Variants in NTAQ1 observed in about 807,000 individuals in gnomAD.
The protein encoded by NTAQ1 is N-terminal glutamine amidase 1.
Under a neutral mutation model 28.2 loss-of-function variants are expected in NTAQ1, and 21 were observed. The observed-to-expected ratio is 0.74, with a 90% CI of 0.53 to 1.07. NTAQ1 has a LOEUF of 1.07. Ranked by LOEUF, NTAQ1 falls within the 50% of genes least tolerant of loss-of-function variation. The probability of loss-of-function intolerance (pLI) is 0.00; values close to 1 mark genes in which losing one functional copy is unlikely to be tolerated. For synonymous variants in NTAQ1, 105 were observed against 90.0 expected (o/e 1.17, Z -0.94); for missense variants, 264 against 256.6 (o/e 1.03, Z -0.20).
intron 1 of NTAQ1, among the ~76,000 whole-genome samples, chr8:123,425,485 T>TA (rs1813996588): frequency 2.6e-5 from 4 of 151,542 alleles, no homozygotes. Context: ...TTTTTTTTTT[T>TA]AACCACAACC....
In NTAQ1 at chr8:123,437,441, A is replaced by T; in HGVS notation, c.508+107A>T. ...CAGGTTGTTCTTTGAATAAAACTCCATGAGTGAATCCCAGCACTTTGGGAG... is the reference window on the plus strand; with the variant it reads ...CAGGTTGTTCTTTGAATAAAACTCCTTGAGTGAATCCCAGCACTTTGGGAG... On this transcript the variant is annotated intron_variant, in intron 5 of 5. Coordinates refer to ENST00000287387, the MANE Select transcript of NTAQ1 (RefSeq NM_018024.3). The T allele has an allele frequency of 3.4e-6, 5 of 1,485,758 alleles. No homozygotes were observed. In the South Asian group the frequency reaches 6.6e-5, roughly 20 times the overall value. 92.0% of individuals were successfully genotyped at this position (1,485,758 alleles called of 1,614,324 possible). A position where few individuals can be genotyped will look rare whatever the true frequency, so the allele number is the denominator to read the frequency against.
chr8:123,466,145 A>G (rs1212700052), intron 6 of NTAQ1, among the ~76,000 whole-genome samples: 1 of 152,182 alleles, frequency 6.6e-6, no homozygotes, highest in Non-Finnish European at 1.5e-5. Context: ...TGTTCTGAGA[A>G]TTACAACTGG....
intron 5 of NTAQ1, chr8:123,438,217 G>A (rs1317043252): frequency 2.9e-6 from 2 of 701,002 alleles, no homozygotes; most frequent in African/African-American, 3.5e-5. Flanking sequence ...ATTCATATGA[G>A]TTTGAAGTAT....
At chr8:123,444,756 G>T (rs1392208521), downstream of NTAQ1, among the ~76,000 whole-genome samples, 2 of 152,126 alleles carry the variant, frequency 1.3e-5, no homozygotes, top group Non-Finnish European at 2.9e-5. Context: ...TGATCCACTT[G>T]CCTCGACCTC....
intron 6 of NTAQ1, among the ~76,000 whole-genome samples, chr8:123,447,442 TA>T (rs1467831389): frequency 1.3e-5 from 2 of 152,290 alleles, no homozygotes; most frequent in Non-Finnish European, 2.9e-5. Flanking sequence ...AACTAACTAA[TA>T]GAGCTCATTG....
chr8:123,449,949 GCA>G (rs1491212628), downstream of NTAQ1, among the ~76,000 whole-genome samples: 110 of 8,210 alleles, frequency 0.013, 19 homozygotes, highest in African/African-American at 0.02. Context: ...GTGTGTGTGT[GCA>G]TATATATATA....
Position 123,434,973 on chromosome 8 carries a change from C to T in NTAQ1, c.235-1480C>T, listed in dbSNP as rs73705916. Among the ~76,000 whole-genome samples the T allele has an allele frequency of 3.3e-3, 506 of 152,290 alleles. 7 individuals carry two copies. Among genetic ancestry groups the T allele is most frequent in the African/African-American group, 0.012 (486 of 41,568 alleles). ...GGCAGCACTCAGGCTTTTAAAGGCA[C>T]AGCATCCCTAGTCTTAAGTATTGTT... On this transcript the variant is annotated intron_variant, in intron 3 of 5. Coordinates refer to ENST00000287387, the MANE Select transcript of NTAQ1 (RefSeq NM_018024.3).
At chr8:123,434,203 C>CAGGCAGG (rs1401789380) in intron 3 of NTAQ1, among the ~76,000 whole-genome samples, 52 of 152,240 alleles carry the variant, frequency 3.4e-4, no homozygotes, top group African/African-American at 1.2e-3. Flanking sequence ...CAATATCCTG[C>CAGGCAGG]AGCAGTTTAC....
chr8:123,444,482 G>A (rs1027578672), downstream of NTAQ1, among the ~76,000 whole-genome samples: 7 of 152,068 alleles, frequency 4.6e-5, no homozygotes, highest in African/African-American at 1.7e-4. Flanking sequence ...TTACAGGTAT[G>A]AACCATAGTG....
chr8:123,448,364 G>C (rs1196941575), downstream of NTAQ1: 1 of 152,274 alleles, frequency 6.6e-6, no homozygotes, highest in African/African-American at 2.4e-5. Flanking sequence ...TGTAATCCCA[G>C]CACTTTGGAA....
chr8:123,443,281 A>G (rs943201911), downstream of NTAQ1, among the ~76,000 whole-genome samples: 6 of 151,894 alleles, frequency 4.0e-5, no homozygotes, highest in African/African-American at 9.7e-5. Flanking sequence ...CCGCCTCCCA[A>G]TGTGCTGGGA....
At chr8:123,449,818 A>C (rs575604434), downstream of NTAQ1, among the ~76,000 whole-genome samples, 90 of 141,746 alleles carry the variant, frequency 6.3e-4, 1 homozygote, top group African/African-American at 1.9e-3. Flanking sequence ...ACATCACTGC[A>C]CTCCAGCCTG....
downstream of NTAQ1, among the ~76,000 whole-genome samples, chr8:123,452,747 C>CAA (rs11343352): frequency 6.9e-6 from 1 of 145,846 alleles, no homozygotes; most frequent in Non-Finnish European, 1.5e-5. Flanking sequence ...ACTAAAAATA[C>CAA]AAAAAAAAAA....
exon 7 of NTAQ1, among the ~76,000 whole-genome samples, chr8:123,467,755 T>C (rs1815991219): frequency 1.3e-5 from 2 of 152,188 alleles, no homozygotes. Flanking sequence ...TTTTATTTTA[T>C]TTGTTTATTT....
At chr8:123,421,490 G>T (rs1024742539) in intron 1 of NTAQ1, among the ~76,000 whole-genome samples, 18 of 150,484 alleles carry the variant, frequency 1.2e-4, no homozygotes, top group Non-Finnish European at 4.4e-5. Flanking sequence ...ATGCTTATTG[G>T]CCATGTGCAT....
At chr8:123,430,119 C>CATAGCCTTTCTCTACTGCT in intron 3 of NTAQ1, 86 bp downstream of exon 3, 1 of 984,068 alleles carries the variant, frequency 1.0e-6, no homozygotes, top group Non-Finnish European at 1.5e-6. Context: ...CAGAAGTGAC[C>CATAGCCTTTCTCTACTGCT]TAAGCAGTAG....
chr8:123,453,409 G>A (rs1183181092), intron 6 of NTAQ1, among the ~76,000 whole-genome samples: 1 of 146,188 alleles, frequency 6.8e-6, no homozygotes, highest in Non-Finnish European at 1.5e-5. Flanking sequence ...ACACCGAAAG[G>A]TGAAGTGTTT....
At chr8:123,431,929 T>C (rs1475362023) in intron 3 of NTAQ1, among the ~76,000 whole-genome samples, 1 of 152,208 alleles carries the variant, frequency 6.6e-6, no homozygotes, top group Non-Finnish European at 1.5e-5. Context: ...CTTAGCTGAT[T>C]TTGAGTCGTG....
intron 1 of NTAQ1, among the ~76,000 whole-genome samples, chr8:123,417,374 T>G (rs1421213884): frequency 2.0e-5 from 3 of 152,160 alleles, no homozygotes; most frequent in Non-Finnish European, 4.4e-5. Flanking sequence ...TTGTTCTGGG[T>G]GGTTTAGGTA....
Sources: gnomAD v4.1 joint callset for allele counts (sites outside exome capture counted in the v4.1 genomes callset) on GRCh38, gnomAD v4.1.1 for gene constraint, MANE v1.5 for transcripts, NCBI Gene and HGNC (gene_info 2026-07-23, HGNC 2026-07-21) for gene names.